The following SND1 variants were observed in gnomAD, a reference collection of about 807,000 sequenced individuals.
SND1 encodes staphylococcal nuclease and tudor domain containing 1, also known as staphylococcal nuclease domain-containing protein 1.
In SND1, 38 loss-of-function variants were observed where a neutral mutation model predicts 121.7. The observed-to-expected ratio is 0.31, with a 90% CI of 0.24 to 0.41. The LOEUF (loss-of-function observed/expected upper bound fraction) is 0.41. SND1 is among the 10% of genes least tolerant of loss of function. The pLI, the probability that SND1 is intolerant of heterozygous loss-of-function variation, is 1.00. For missense variants in SND1, 868 were observed against 1,184.6 expected (o/e 0.73, Z 3.92); for synonymous variants, 401 against 447.4 (o/e 0.90, Z 1.31).
At chr7:127,972,332 G>T (rs1193320442) in intron 15 of SND1, among the ~76,000 whole-genome samples, 1 of 152,078 alleles carries the variant, frequency 6.6e-6, no homozygotes, top group Non-Finnish European at 1.5e-5. Flanking sequence ...CACAATCTTG[G>T]CTCACTGCAA....
chr7:128,039,987 G>A (rs1792821845), intron 16 of SND1, among the ~76,000 whole-genome samples: 1 of 152,168 alleles, frequency 6.6e-6, no homozygotes. Context: ...TGCTGGGCAA[G>A]GAGAGGAGCC....
At chr7:127,732,367 G>A (rs983050105) in intron 10 of SND1, among the ~76,000 whole-genome samples, 1 of 152,160 alleles carries the variant, frequency 6.6e-6, no homozygotes, top group Non-Finnish European at 1.5e-5. Context: ...TGAATGATGA[G>A]GTCATTTCTG....
chr7:127,800,350 G>A (rs2116561970), intron 10 of SND1, among the ~76,000 whole-genome samples: 1 of 152,184 alleles, frequency 6.6e-6, no homozygotes, highest in East Asian at 1.9e-4. Context: ...TTATTGTTGA[G>A]GCTCCTTTTA....
In SND1 at chr7:127,899,277, AACACACACAC is replaced by A. The variant is rs3840645; in HGVS notation, c.1455-5456_1455-5447del. Among the ~76,000 whole-genome samples, 7 of 149,868 alleles carry A rather than the reference AACACACACAC, an allele frequency of 4.7e-5. No homozygotes were observed. The South Asian group carries it at 8.4e-4, about 18-fold the overall frequency. On this transcript the variant is annotated intron_variant, in intron 13 of 23. Coordinates refer to ENST00000354725, the MANE Select transcript of SND1 (RefSeq NM_014390.4). ...GCTGAACTGAGTGATACCTGCACACAACACACACACACACACACACACATTATACTACCAT... is the reference window on the plus strand; with the variant it reads ...GCTGAACTGAGTGATACCTGCACACAACACACACACACATTATACTACCAT...
chr7:127,870,954 T>C (rs978941904), intron 12 of SND1, among the ~76,000 whole-genome samples: 1 of 152,166 alleles, frequency 6.6e-6, no homozygotes, highest in Non-Finnish European at 1.5e-5. Context: ...ATTTTTTATA[T>C]CATTATTCTG....
At chr7:127,719,728 T>C (rs1368298734) in intron 9 of SND1, among the ~76,000 whole-genome samples, 2 of 152,226 alleles carry the variant, frequency 1.3e-5, no homozygotes, top group Non-Finnish European at 2.9e-5. Context: ...GAACTTTCAT[T>C]ACTTTTCTGA....
intron 12 of SND1, among the ~76,000 whole-genome samples, chr7:127,846,931 T>C (rs1478307240): frequency 1.3e-5 from 2 of 152,174 alleles, no homozygotes; most frequent in African/African-American, 4.8e-5. Flanking sequence ...TTTATCTTGC[T>C]TTTGTTTTTA....
In SND1 at chr7:128,032,682, C is replaced by G. The variant is rs191506694; in HGVS notation, c.1779+41626C>G. Among the ~76,000 whole-genome samples the G allele has an allele frequency of 3.8e-3, 579 of 152,288 alleles. 3 individuals carry two copies. Among genetic ancestry groups the G allele is most frequent in the Middle Eastern group, 0.014 (4 of 292 alleles). On this transcript the variant is annotated intron_variant, in intron 16 of 23. Transcript: ENST00000354725. ...CCGCTGACTGCTGACGGGGCGCGGA[C>G]TCGCGTTCGGAGTTCGGAACTGCGT... is the stretch of plus-strand genomic sequence containing the variant.
chr7:127,982,133 T>C (rs753921745), intron 15 of SND1, among the ~76,000 whole-genome samples: 15 of 152,200 alleles, frequency 9.9e-5, no homozygotes, highest in Non-Finnish European at 1.9e-4. Context: ...ATCAGAAACT[T>C]AAGGCATGTT....
At chr7:128,007,376 C>T (rs1331756550) in intron 16 of SND1, among the ~76,000 whole-genome samples, 2 of 152,180 alleles carry the variant, frequency 1.3e-5, no homozygotes, top group Admixed American at 1.3e-4. Context: ...AGCCAGAATA[C>T]AAAGGGTTCA....
Position 128,035,904 on chromosome 7 carries a change from T to C in SND1, c.1780-38598T>C, listed in dbSNP as rs977995246. ...CCTGATATGCATCCCTGAGGCATTA[T>C]CCTGAGCAGCCACTAGATGTCCATA... On this transcript the variant is annotated intron_variant, in intron 16 of 23. Transcript: ENST00000354725. Among the ~76,000 whole-genome samples the C allele has an allele frequency of 8.5e-5, 13 of 152,180 alleles. No homozygotes were observed. The East Asian group carries it at 9.6e-4, about 11-fold the overall frequency.
In SND1 at chr7:127,903,922, T is replaced by C. The variant is rs560111601; in HGVS notation, c.1455-825T>C. On this transcript the variant is annotated intron_variant, in intron 13 of 23. Coordinates refer to ENST00000354725, the MANE Select transcript of SND1 (RefSeq NM_014390.4). The stretch of plus-strand genomic sequence containing the variant: ...ATCCCCTAATCTCTAGTTCTCTATC[T>C]CTAAGCTCAGAACTCTTACCTGCTG... Among the ~76,000 whole-genome samples the C allele has an allele frequency of 1.2e-4, 19 of 152,330 alleles. No individual in the cohort carries two copies. In the South Asian group the frequency reaches 3.9e-3, roughly 32 times the overall value.
intron 11 of SND1, among the ~76,000 whole-genome samples, chr7:127,829,524 C>T (rs1017283645): frequency 1.3e-5 from 2 of 152,234 alleles, no homozygotes; most frequent in East Asian, 1.9e-4. Context: ...GAAAACTCTT[C>T]TCCTTAGGCC....
At chr7:127,857,790 G>C (rs563045902) in intron 12 of SND1, 7 of 710,488 alleles carry the variant, frequency 9.9e-6, no homozygotes, top group South Asian at 1.6e-5. Context: ...GAGACACTTG[G>C]ACCTCCTCCA....
intron 16 of SND1, among the ~76,000 whole-genome samples, chr7:128,035,095 G>C (rs1249284202): frequency 6.6e-6 from 1 of 152,222 alleles, no homozygotes; most frequent in Non-Finnish European, 1.5e-5. Flanking sequence ...ATTGGGGAAG[G>C]CCTGTGTCAG....
chr7:127,756,009 C>G (rs935904083), intron 10 of SND1, among the ~76,000 whole-genome samples: 4 of 152,078 alleles, frequency 2.6e-5, no homozygotes, highest in Admixed American at 6.5e-5. Flanking sequence ...AAAGAAAATT[C>G]ATTTGGATTT....
intron 16 of SND1, among the ~76,000 whole-genome samples, chr7:128,041,451 G>C (rs1792853118): frequency 6.6e-6 from 1 of 152,034 alleles, no homozygotes; most frequent in African/African-American, 2.4e-5. Context: ...ATTATGACTT[G>C]AGCTTCTTCA....
rs1800911138 is a variant in SND1 at position 127,929,228 on chromosome 7, G to A, written c.1568G>A (p.Arg523Gln). The A allele has an allele frequency of 1.2e-6, 2 of 1,613,948 alleles. No homozygotes were observed. Among genetic ancestry groups the A allele is most frequent in the Non-Finnish European group, 1.7e-6 (2 of 1,179,882 alleles). Residue 523 changes from arginine (R) to glutamine (Q), a missense_variant, in exon 15 of 24, where the codon CGG (arginine) becomes CAG (glutamine). Around this residue, in one of 2 missense-constraint regions of SND1, gnomAD observed 743 missense variants for 1,071.3 expected, o/e 0.69. Transcript: ENST00000354725. ...KAKQFLPFLQ[R>Q]AGRSEAVVEY... ...AAGCAGTTCCTGCCTTTTCTTCAGC[G>A]GGCAGGTCGTTCTGAAGCTGTGGTG...
intron 2 of SND1, among the ~76,000 whole-genome samples, chr7:127,689,578 T>C (rs1186999506): frequency 6.6e-6 from 1 of 152,244 alleles, no homozygotes; most frequent in Non-Finnish European, 1.5e-5. Flanking sequence ...GGTGAAATCT[T>C]ACCAGAACTA....
Sources: gnomAD v4.1 joint callset for allele counts (sites outside exome capture counted in the v4.1 genomes callset) on GRCh38, gnomAD v4.1.1 for gene constraint, gnomAD v4.1.1 regional missense constraint, MANE v1.5 for transcripts, NCBI Gene and HGNC (gene_info 2026-07-23, HGNC 2026-07-21) for gene names.